The following NKAIN3 variants were observed in gnomAD, a reference collection of about 807,000 sequenced individuals.
NKAIN3 encodes sodium/potassium transporting ATPase interacting 3, also known as sodium/potassium-transporting ATPase subunit beta-1-interacting protein 3.
Under a neutral mutation model 30.2 loss-of-function variants are expected in NKAIN3, and 25 were observed. The observed-to-expected ratio is 0.83, with a 90% CI of 0.60 to 1.16. The LOEUF (loss-of-function observed/expected upper bound fraction) is 1.16. Among genes scored for constraint, NKAIN3 ranks in the 50% most tolerant of loss-of-function variants. The pLI is 0.00. For missense variants in NKAIN3, 225 were observed against 254.1 expected (o/e 0.89, Z 0.78); for synonymous variants, 91 against 89.6 (o/e 1.02, Z -0.09).
intron 1 of NKAIN3, among the ~76,000 whole-genome samples, chr8:62,404,037 A>G (rs1165599055): frequency 2.0e-5 from 3 of 152,242 alleles, no homozygotes. Context: ...AAAGGAGATA[A>G]GTTTGTAACT....
intron 3 of NKAIN3, among the ~76,000 whole-genome samples, chr8:62,666,719 C>T (rs1390011256): frequency 6.6e-6 from 1 of 152,066 alleles, no homozygotes; most frequent in Non-Finnish European, 1.5e-5. Flanking sequence ...GTGCCTTTCT[C>T]AAAAAGATAA....
intron 1 of NKAIN3, among the ~76,000 whole-genome samples, chr8:62,451,505 C>T (rs773710288): frequency 6.6e-5 from 10 of 152,086 alleles, no homozygotes; most frequent in East Asian, 1.9e-4. Context: ...ATCAGGAGAA[C>T]GTATAAGCAC....
At chr8:62,408,815 T>C (rs543321642) in intron 1 of NKAIN3, among the ~76,000 whole-genome samples, 8 of 152,298 alleles carry the variant, frequency 5.3e-5, no homozygotes, top group Middle Eastern at 3.4e-3. Flanking sequence ...AATGCAGTTT[T>C]CTTTATAAAA....
chr8:62,637,275 T>C (rs1812160781), intron 3 of NKAIN3, among the ~76,000 whole-genome samples: 2 of 152,254 alleles, frequency 1.3e-5, no homozygotes, highest in South Asian at 4.1e-4. Flanking sequence ...CCTTAATGCA[T>C]GGATCAAGCA....
intron 1 of NKAIN3, among the ~76,000 whole-genome samples, chr8:62,461,849 C>T (rs767436783): frequency 5.3e-5 from 8 of 152,144 alleles, no homozygotes; most frequent in Non-Finnish European, 1.2e-4. Flanking sequence ...GACCTTGCTG[C>T]TCATACTCAT....
intron 1 of NKAIN3, chr8:62,383,587 C>G (rs1446653549): frequency 2.2e-6 from 1 of 446,302 alleles, no homozygotes; most frequent in Admixed American, 2.4e-5. Flanking sequence ...GAACATGCTT[C>G]TCCTGTTATC....
chr8:62,483,030 A>G (rs1450261211), intron 1 of NKAIN3: 3 of 152,350 alleles, frequency 2.0e-5, no homozygotes, highest in African/African-American at 4.8e-5. Flanking sequence ...GAGACACCAG[A>G]GCCGTCTCTT....
chr8:62,664,522 A>T (rs995210145), intron 3 of NKAIN3, among the ~76,000 whole-genome samples: 11 of 152,090 alleles, frequency 7.2e-5, no homozygotes, highest in African/African-American at 2.4e-4. Context: ...ATAACTTTTC[A>T]TATAGTGGAT....
chr8:62,874,603 A>G (rs1820739445), intron 4 of NKAIN3, among the ~76,000 whole-genome samples: 1 of 152,228 alleles, frequency 6.6e-6, no homozygotes. Context: ...CAGCACATCA[A>G]AAAACTTATC....
At chr8:62,673,851 A>C (rs1457615701) in intron 3 of NKAIN3, among the ~76,000 whole-genome samples, 2 of 152,220 alleles carry the variant, frequency 1.3e-5, no homozygotes, top group Non-Finnish European at 2.9e-5. Context: ...CTGCCATTGT[A>C]TATGCAGTCC....
At chr8:62,927,885 T>C (rs1378519) in intron 5 of NKAIN3, among the ~76,000 whole-genome samples, 2,520 of 152,320 alleles carry the variant, frequency 0.017, 84 homozygotes, top group African/African-American at 0.057. Flanking sequence ...TGTTTATCCT[T>C]TTAAATAACA....
At chr8:62,503,541 C>T (rs1807528410) in intron 1 of NKAIN3, among the ~76,000 whole-genome samples, 1 of 152,098 alleles carries the variant, frequency 6.6e-6, no homozygotes, top group Non-Finnish European at 1.5e-5. Flanking sequence ...CCTGGTAAGC[C>T]TGAGGGTACT....
chr8:62,811,087 C>G (rs968388946), intron 4 of NKAIN3, among the ~76,000 whole-genome samples: 2 of 152,112 alleles, frequency 1.3e-5, no homozygotes, highest in Non-Finnish European at 2.9e-5. Flanking sequence ...CTGACAATCC[C>G]TACTCTGTTC....
At chr8:62,506,771 C>G (rs1218732520) in intron 1 of NKAIN3, among the ~76,000 whole-genome samples, 1 of 152,082 alleles carries the variant, frequency 6.6e-6, no homozygotes, top group Non-Finnish European at 1.5e-5. Flanking sequence ...CCATACCCAG[C>G]CTTTTACTGC....
At chr8:62,616,037 C>A (rs2130204321) in intron 3 of NKAIN3, among the ~76,000 whole-genome samples, 1 of 152,202 alleles carries the variant, frequency 6.6e-6, no homozygotes, top group East Asian at 1.9e-4. Context: ...GTTTTCTATT[C>A]CACCATCTTA....
At chr8:62,532,201 G>A (rs1373215574) in intron 1 of NKAIN3, among the ~76,000 whole-genome samples, 2 of 152,106 alleles carry the variant, frequency 1.3e-5, no homozygotes, top group Non-Finnish European at 2.9e-5. Context: ...CGTTGAAAGT[G>A]TACCATGCCA....
chr8:62,877,477 G>A (rs908436574), intron 4 of NKAIN3, among the ~76,000 whole-genome samples: 1 of 152,222 alleles, frequency 6.6e-6, no homozygotes, highest in Non-Finnish European at 1.5e-5. Flanking sequence ...AGCACTAGCT[G>A]ATGTGGGGAG....
chr8:62,412,792 G>GC, intron 1 of NKAIN3, among the ~76,000 whole-genome samples: 1 of 151,138 alleles, frequency 6.6e-6, no homozygotes, highest in East Asian at 2.0e-4. Context: ...GGTGCCTGTA[G>GC]CCCCAGCTAC....
At chr8:62,602,931 C>G (rs749283556) in intron 3 of NKAIN3, among the ~76,000 whole-genome samples, 1 of 152,022 alleles carries the variant, frequency 6.6e-6, no homozygotes, top group African/African-American at 2.4e-5. Flanking sequence ...TGAGTAGACT[C>G]CAACTGCTGA....
Sources: allele counts gnomAD v4.1 joint callset (sites outside exome capture counted in the v4.1 genomes callset), GRCh38; gene constraint gnomAD v4.1.1; transcripts MANE v1.5; gene names NCBI Gene and HGNC (gene_info 2026-07-23, HGNC 2026-07-21).